Variants in MAPK8 observed in about 807,000 individuals in gnomAD.
MAPK8 encodes mitogen-activated protein kinase 8, also known as JUN N-terminal kinase.
Under a neutral mutation model 52.9 loss-of-function variants are expected in MAPK8, and 13 were observed. The ratio of observed to expected loss-of-function variants is 0.25; its 90% confidence interval spans 0.16 to 0.39. The LOEUF (loss-of-function observed/expected upper bound fraction) is 0.39, where lower values mean the gene tolerates loss of function less well. Among genes scored for constraint, MAPK8 ranks in the 10% least tolerant of loss-of-function variants. The pLI, the probability that MAPK8 is intolerant of heterozygous loss-of-function variation, is 1.00. For synonymous variants in MAPK8, 191 were observed against 169.8 expected, an observed-to-expected ratio of 1.12 and a Z score of -0.97; for missense variants, 300 against 519.2, an observed-to-expected ratio of 0.58 and a Z score of 4.10.
chr10:48,334,892 C>T (rs1212614477), intron 1 of MAPK8, among the ~76,000 whole-genome samples: 1 of 152,160 alleles, frequency 6.6e-6, no homozygotes, highest in East Asian at 1.9e-4. Flanking sequence ...AGTCTCTCCC[C>T]CATTTCCTCA....
chr10:48,416,444 G>C (rs1026469343), intron 5 of MAPK8, among the ~76,000 whole-genome samples: 3 of 152,206 alleles, frequency 2.0e-5, no homozygotes, highest in Admixed American at 6.5e-5. Context: ...GCCACAGTCT[G>C]TTCTTCTGGC....
intron 6 of MAPK8, among the ~76,000 whole-genome samples, chr10:48,422,050 T>TTATTTTG (rs2043398260): frequency 6.7e-6 from 1 of 150,284 alleles, no homozygotes; most frequent in African/African-American, 2.4e-5. Flanking sequence ...TATTTATTTT[T>TTATTTTG]GAGATGGAGT....
At chr10:48,431,477 A>G (rs747977333) in intron 11 of MAPK8, among the ~76,000 whole-genome samples, 11 of 152,210 alleles carry the variant, frequency 7.2e-5, no homozygotes, top group Non-Finnish European at 1.3e-4. Flanking sequence ...ATCTTTTTCT[A>G]TGATACTGAC....
intron 1 of MAPK8, among the ~76,000 whole-genome samples, chr10:48,382,068 C>T (rs2132739719): frequency 6.6e-6 from 1 of 152,232 alleles, no homozygotes; most frequent in East Asian, 1.9e-4. Flanking sequence ...GAGGGAGTAC[C>T]ACATATGTCT....
intron 1 of MAPK8, among the ~76,000 whole-genome samples, chr10:48,324,145 T>C (rs1219866364): frequency 2.0e-5 from 3 of 152,234 alleles, no homozygotes; most frequent in Non-Finnish European, 2.9e-5. Flanking sequence ...ATGTCTCTCC[T>C]AAAAGTAAAC....
chr10:48,309,072 G>A (rs986224552), intron 1 of MAPK8, among the ~76,000 whole-genome samples: 2 of 152,234 alleles, frequency 1.3e-5, no homozygotes, highest in Non-Finnish European at 2.9e-5. Context: ...GTTAGGGTAT[G>A]TCAGATTCTA....
At chr10:48,393,581 G>A (rs2041739363) in intron 1 of MAPK8, among the ~76,000 whole-genome samples, 3 of 151,960 alleles carry the variant, frequency 2.0e-5, no homozygotes, top group African/African-American at 7.2e-5. Flanking sequence ...AACCCTCCTA[G>A]GGTTGTTTTC....
chr10:48,423,366 T>C (rs1409185469), intron 6 of MAPK8, among the ~76,000 whole-genome samples: 2 of 152,194 alleles, frequency 1.3e-5, no homozygotes, highest in African/African-American at 4.8e-5. Context: ...TTTATGGGTT[T>C]AAAAAACTTT....
At chr10:48,403,149 T>C (rs1262823584) in intron 2 of MAPK8, among the ~76,000 whole-genome samples, 1 of 152,156 alleles carries the variant, frequency 6.6e-6, no homozygotes, top group Non-Finnish European at 1.5e-5. Context: ...ACCTATAATA[T>C]TATATTTCTT....
chr10:48,347,985 A>G (rs978490544), intron 1 of MAPK8, among the ~76,000 whole-genome samples: 37 of 152,236 alleles, frequency 2.4e-4, no homozygotes, highest in African/African-American at 8.4e-4. Flanking sequence ...GTCTTCCACA[A>G]TAGTTGAACT....
intron 5 of MAPK8, among the ~76,000 whole-genome samples, chr10:48,412,322 C>G (rs999095079): frequency 6.6e-6 from 1 of 151,746 alleles, no homozygotes; most frequent in Non-Finnish European, 1.5e-5. Flanking sequence ...TGTCTTAGTG[C>G]AGATCTCTTT....
intron 2 of MAPK8, among the ~76,000 whole-genome samples, chr10:48,404,617 G>T (rs2042360535): frequency 6.6e-6 from 1 of 152,140 alleles, no homozygotes; most frequent in Non-Finnish European, 1.5e-5. Context: ...AACATGCAGG[G>T]TCTCTGTTGG....
intron 1 of MAPK8, among the ~76,000 whole-genome samples, chr10:48,380,679 G>A (rs2040945989): frequency 6.6e-6 from 1 of 152,224 alleles, no homozygotes; most frequent in Admixed American, 6.5e-5. Flanking sequence ...GTTGCAGTGA[G>A]CCAAGATCAC....
chr10:48,401,496 G>A (rs1322752474), intron 1 of MAPK8, 116 bp from the exon 2 acceptor site: 3 of 576,282 alleles, frequency 5.2e-6, no homozygotes, highest in Non-Finnish European at 9.0e-6. Context: ...TAATGAAGCA[G>A]CTCTTTTCAT....
chr10:48,419,165 T>C (rs752257949), intron 5 of MAPK8, among the ~76,000 whole-genome samples: 4 of 152,204 alleles, frequency 2.6e-5, no homozygotes, highest in Admixed American at 6.5e-5. Flanking sequence ...TGTCGAAATA[T>C]GTTAAAGACA....
chr10:48,429,382 C>T (rs1225793022), intron 10 of MAPK8, among the ~76,000 whole-genome samples: 2 of 152,162 alleles, frequency 1.3e-5, no homozygotes, highest in Non-Finnish European at 2.9e-5. Flanking sequence ...GCTTTAAAAA[C>T]ATTTACCTTT....
intron 1 of MAPK8, among the ~76,000 whole-genome samples, chr10:48,393,542 A>T (rs1214095338): frequency 1.3e-5 from 2 of 152,060 alleles, no homozygotes; most frequent in East Asian, 3.8e-4. Context: ...CACGGACTAG[A>T]TTTACCCTCT....
intron 1 of MAPK8, 150 bp downstream of exon 1, chr10:48,306,971 G>C (rs996676468): frequency 1.3e-5 from 2 of 152,048 alleles, no homozygotes; most frequent in Non-Finnish European, 2.9e-5. Flanking sequence ...GGGGCGGCGC[G>C]GGAACAATAG....
chr10:48,369,449 A>G (rs994624621), intron 1 of MAPK8, among the ~76,000 whole-genome samples: 3 of 152,164 alleles, frequency 2.0e-5, no homozygotes, highest in Non-Finnish European at 4.4e-5. Context: ...CGAAGAATTT[A>G]TTTTTGTGCA....
Sources: allele counts gnomAD v4.1 joint callset (sites outside exome capture counted in the v4.1 genomes callset), GRCh38; gene constraint gnomAD v4.1.1; transcripts MANE v1.5; gene names NCBI Gene and HGNC (gene_info 2026-07-23, HGNC 2026-07-21).